Variants in PRKG1 observed in about 807,000 individuals in gnomAD.
PRKG1 encodes the protein protein kinase cGMP-dependent 1, also known as cGMP-dependent protein kinase 1.
PRKG1 carries 35 observed loss-of-function variants against 88.1 expected under a neutral mutation model. The observed-to-expected ratio is 0.40, with a 90% CI of 0.30 to 0.53. The LOEUF (loss-of-function observed/expected upper bound fraction) is 0.53, where lower values mean the gene tolerates loss of function less well. PRKG1 is among the 20% of genes least tolerant of loss of function. PRKG1 has a pLI of 0.59. For synonymous variants in PRKG1, 303 were observed against 292.5 expected, an observed-to-expected ratio of 1.04 and a Z score of -0.37; for missense variants, 540 against 839.8, an observed-to-expected ratio of 0.64 and a Z score of 4.41.
At chr10:51,468,479 C>A (rs182511948) in intron 3 of PRKG1, among the ~76,000 whole-genome samples, 15 of 151,824 alleles carry the variant, frequency 9.9e-5, no homozygotes, top group Admixed American at 8.5e-4. Flanking sequence ...ACTTTTATTG[C>A]TTGGCAGAAG....
At chr10:52,016,799 C>T (rs1845051414) in intron 5 of PRKG1, among the ~76,000 whole-genome samples, 1 of 151,874 alleles carries the variant, frequency 6.6e-6, no homozygotes, top group Admixed American at 6.6e-5. Flanking sequence ...TTTATAAATG[C>T]TATATAATAA....
intron 2 of PRKG1, among the ~76,000 whole-genome samples, chr10:51,233,339 T>C (rs1838896351): frequency 6.6e-6 from 1 of 152,212 alleles, no homozygotes; most frequent in Admixed American, 6.5e-5. Context: ...AATATAATCC[T>C]GTGTGCATAA....
At chr10:51,847,700 G>A (rs1308161888) in intron 4 of PRKG1, among the ~76,000 whole-genome samples, 1 of 150,218 alleles carries the variant, frequency 6.7e-6, no homozygotes, top group Non-Finnish European at 1.5e-5. Context: ...CATACACATG[G>A]AAACAGTGAG....
chr10:50,996,957 T>G (rs971682336), intron 1 of PRKG1, among the ~76,000 whole-genome samples: 3 of 152,128 alleles, frequency 2.0e-5, no homozygotes, highest in East Asian at 3.9e-4. Context: ...AAAGGAAAAT[T>G]TTTAGGCAGC....
chr10:51,061,099 T>G (rs1191468479), intron 1 of PRKG1, among the ~76,000 whole-genome samples: 3 of 66,778 alleles, frequency 4.5e-5, no homozygotes, highest in Non-Finnish European at 8.4e-5. Context: ...ATTAGTCTGT[T>G]CTCATGCTGC....
chr10:51,490,345 T>G (rs898429616), intron 3 of PRKG1, among the ~76,000 whole-genome samples: 2 of 152,184 alleles, frequency 1.3e-5, no homozygotes, highest in African/African-American at 4.8e-5. Context: ...TTTACTAATA[T>G]GTATTTAGCA....
intron 3 of PRKG1, among the ~76,000 whole-genome samples, chr10:51,515,007 T>TC (rs1183631683): frequency 2.0e-5 from 3 of 152,030 alleles, no homozygotes; most frequent in Admixed American, 2.0e-4. Context: ...GTAGTATCCT[T>TC]CCCCCAGTTG....
At chr10:51,346,209 A>G (rs1024497921) in intron 2 of PRKG1, among the ~76,000 whole-genome samples, 5 of 152,206 alleles carry the variant, frequency 3.3e-5, no homozygotes, top group South Asian at 4.1e-4. Flanking sequence ...CTCATAATTT[A>G]TTTCAAATTT....
At chr10:51,276,875 G>A (rs1044198606) in intron 2 of PRKG1, among the ~76,000 whole-genome samples, 2 of 152,132 alleles carry the variant, frequency 1.3e-5, no homozygotes, top group Non-Finnish European at 2.9e-5. Context: ...TTTGTCAGAT[G>A]AGCAGATCAC....
intron 7 of PRKG1, among the ~76,000 whole-genome samples, chr10:52,101,129 C>G (rs557757603): frequency 6.6e-6 from 1 of 152,160 alleles, no homozygotes; most frequent in East Asian, 1.9e-4. Context: ...CAGCATATCT[C>G]TCTGCATTTT....
intron 9 of PRKG1, among the ~76,000 whole-genome samples, chr10:52,167,795 G>A (rs1838528115): frequency 2.0e-5 from 3 of 152,138 alleles, no homozygotes; most frequent in Admixed American, 6.5e-5. Flanking sequence ...AGGCTAAAGG[G>A]ATTCATACCT....
chr10:51,595,545 G>C (rs748271657), intron 3 of PRKG1, among the ~76,000 whole-genome samples: 1 of 148,540 alleles, frequency 6.7e-6, no homozygotes. Flanking sequence ...CAGGAGAATC[G>C]CTTGAACCTG....
At chr10:52,268,105 A>G (rs752873402) in intron 10 of PRKG1, among the ~76,000 whole-genome samples, 72 of 152,176 alleles carry the variant, frequency 4.7e-4, no homozygotes, top group Non-Finnish European at 1.9e-4. Context: ...TCTGGTTTAA[A>G]TTGGAAGTGG....
chr10:51,718,172 T>C (rs1841930766), intron 3 of PRKG1, among the ~76,000 whole-genome samples: 2 of 152,230 alleles, frequency 1.3e-5, no homozygotes, highest in Admixed American at 1.3e-4. Context: ...TAATGGCTAC[T>C]ATGTAAAGAA....
intron 2 of PRKG1, among the ~76,000 whole-genome samples, chr10:51,161,264 G>T (rs1012519177): frequency 7.2e-5 from 11 of 151,966 alleles, no homozygotes; most frequent in African/African-American, 2.4e-4. Context: ...ATAAGAATGT[G>T]TGTATATGTA....
intron 3 of PRKG1, among the ~76,000 whole-genome samples, chr10:51,575,082 C>T (rs188006490): frequency 9.2e-5 from 14 of 152,066 alleles, no homozygotes; most frequent in Non-Finnish European, 8.8e-5. Flanking sequence ...CTGCCATTCA[C>T]GGCTACAAGT....
At chr10:51,604,701 C>A (rs977830194) in intron 3 of PRKG1, among the ~76,000 whole-genome samples, 4 of 152,280 alleles carry the variant, frequency 2.6e-5, no homozygotes, top group Admixed American at 1.3e-4. Context: ...CTCACTTCTT[C>A]GGTGCCCACT....
intron 5 of PRKG1, among the ~76,000 whole-genome samples, chr10:51,946,358 C>A (rs556216643): frequency 2.8e-3 from 421 of 152,134 alleles, no homozygotes; most frequent in Admixed American, 4.6e-3. Flanking sequence ...GTTATACATT[C>A]GTCTAAATTT....
chr10:51,126,368 A>G (rs1187698559), intron 1 of PRKG1, among the ~76,000 whole-genome samples: 1 of 131,164 alleles, frequency 7.6e-6, no homozygotes, highest in African/African-American at 2.9e-5. Context: ...ATTATTTTAT[A>G]TTTTATAGTA....
Sources: allele counts gnomAD v4.1 joint callset (sites outside exome capture counted in the v4.1 genomes callset), GRCh38; gene constraint gnomAD v4.1.1; transcripts MANE v1.5; gene names NCBI Gene and HGNC (gene_info 2026-07-23, HGNC 2026-07-21).